The following HECW2 variants were observed in gnomAD, a reference collection of about 807,000 sequenced individuals.
The protein encoded by HECW2 is HECT, C2 and WW domain containing E3 ubiquitin protein ligase 2.
A neutral mutation model predicts 175.2 loss-of-function variants in HECW2; 61 were observed. That is an observed-to-expected ratio of 0.35 (90% CI 0.28 to 0.43). HECW2 has a LOEUF of 0.43. Ranked by LOEUF, HECW2 falls within the 20% of genes least tolerant of loss-of-function variation. The pLI is 1.00. For synonymous variants in HECW2, 671 were observed against 731.0 expected, an observed-to-expected ratio of 0.92 and a Z score of 1.32; for missense variants, 1,524 against 2,000.5, an observed-to-expected ratio of 0.76 and a Z score of 4.54.
In HECW2 at chr2:196,304,134, C is replaced by T. The variant is rs561217912; in HGVS notation, c.2814+2354G>A. On this transcript the variant is annotated intron_variant, in intron 13 of 28. Coordinates refer to ENST00000644978, the MANE Select transcript of HECW2 (RefSeq NM_001348768.2). ...CAAATACCTTGCCAGATCATGCAAG[C>T]CCAACCTTCTGTAGCCCTGCACGCT... Among the ~76,000 whole-genome samples the T allele has an allele frequency of 9.8e-5, 15 of 152,320 alleles. 1 individual carries two copies. In the South Asian group the frequency reaches 3.1e-3, roughly 32 times the overall value.
Position 196,342,409 on chromosome 2 carries a change from A to C in HECW2, c.400+1248T>G, listed in dbSNP as rs558841435. On this transcript the variant is annotated intron_variant, in intron 3 of 28. Transcript: ENST00000644978. ...ACAAGAGCTAAACTCCGTTTCAAGAAAAAAAAAAAAAAAAGAAAGAAAGAA... is the reference window on the plus strand; with the variant it reads ...ACAAGAGCTAAACTCCGTTTCAAGACAAAAAAAAAAAAAAGAAAGAAAGAA... Among the ~76,000 whole-genome samples, 234 of 146,870 alleles carry C rather than the reference A, an allele frequency of 1.6e-3. 1 individual carries two copies. The highest frequency in any genetic ancestry group is 3.6e-3 in the Middle Eastern group (1 of 278).
chr2:196,533,468 T>C (rs184973926), intron 1 of HECW2, among the ~76,000 whole-genome samples: 4 of 148,474 alleles, frequency 2.7e-5, no homozygotes, highest in Non-Finnish European at 5.9e-5. Context: ...CATCTTTTTT[T>C]GTGTGTGTGG....
At chr2:196,522,203 T>C (rs1296964370) in intron 1 of HECW2, among the ~76,000 whole-genome samples, 1 of 152,232 alleles carries the variant, frequency 6.6e-6, no homozygotes, top group African/African-American at 2.4e-5. Flanking sequence ...TATCTCATTG[T>C]GGTTTTGATT....
intron 1 of HECW2, among the ~76,000 whole-genome samples, chr2:196,443,802 G>C (rs1251973644): frequency 6.6e-6 from 1 of 152,226 alleles, no homozygotes; most frequent in Non-Finnish European, 1.5e-5. Flanking sequence ...GGCCGAGGTG[G>C]GCAGACTGCC....
chr2:196,308,806 C>G (rs1467889221), intron 10 of HECW2, among the ~76,000 whole-genome samples: 2 of 152,170 alleles, frequency 1.3e-5, no homozygotes, highest in Non-Finnish European at 2.9e-5. Flanking sequence ...GACACCCCAC[C>G]TTTGTGACTC....
At chr2:196,227,986 G>T in intron 22 of HECW2, 116 bp downstream of exon 22, 1 of 952,328 alleles carries the variant, frequency 1.1e-6, no homozygotes, top group Non-Finnish European at 1.5e-6. Context: ...GTATTTAACT[G>T]AAAATATGAC....
chr2:196,352,256 A>T (rs1002260239), intron 2 of HECW2, among the ~76,000 whole-genome samples: 2 of 152,244 alleles, frequency 1.3e-5, no homozygotes, highest in Non-Finnish European at 2.9e-5. Context: ...ACTGGCGACT[A>T]CGGCTTTGAA....
intron 1 of HECW2, among the ~76,000 whole-genome samples, chr2:196,472,999 A>G (rs1029828426): frequency 6.6e-6 from 1 of 152,216 alleles, no homozygotes; most frequent in Non-Finnish European, 1.5e-5. Context: ...TATGTCTTAA[A>G]TATTTCATAA....
chr2:196,251,433 C>T (rs10804071), intron 19 of HECW2, among the ~76,000 whole-genome samples: 86,888 of 152,000 alleles, frequency 0.57, 27,447 homozygotes, highest in Non-Finnish European at 0.7. Flanking sequence ...CACTGAACTC[C>T]TTGCTTTCAA....
At chr2:196,301,492 C>T (rs1356338168) in intron 13 of HECW2, among the ~76,000 whole-genome samples, 2 of 152,074 alleles carry the variant, frequency 1.3e-5, no homozygotes, top group Admixed American at 6.6e-5. Flanking sequence ...ACACTCCCAC[C>T]GAAAGTGCAG....
intron 4 of HECW2, among the ~76,000 whole-genome samples, chr2:196,332,100 T>A (rs562168653): frequency 6.6e-6 from 1 of 151,018 alleles, no homozygotes; most frequent in East Asian, 1.9e-4. Context: ...AGGTCCCCCT[T>A]TTTTTTTTAA....
intron 1 of HECW2, among the ~76,000 whole-genome samples, chr2:196,548,554 T>C (rs949101211): frequency 1.3e-5 from 2 of 152,176 alleles, no homozygotes; most frequent in African/African-American, 2.4e-5. Context: ...ATGGGAAAGG[T>C]AGCTGCCCCA....
intron 1 of HECW2, among the ~76,000 whole-genome samples, chr2:196,491,237 A>C (rs1251211417): frequency 6.6e-6 from 1 of 151,942 alleles, no homozygotes; most frequent in East Asian, 1.9e-4. Flanking sequence ...AGTGGCTCAC[A>C]CCTGTAATCC....
chr2:196,487,515 G>A (rs1357541326), intron 1 of HECW2, among the ~76,000 whole-genome samples: 1 of 152,082 alleles, frequency 6.6e-6, no homozygotes, highest in African/African-American at 2.4e-5. Flanking sequence ...CCAATGTGCT[G>A]ATGTTGAGAC....
At position 196,308,476 on chromosome 2, in the gene HECW2, T is replaced by A. The variant is rs12474797; in HGVS notation, c.2435-391A>T. Among the ~76,000 whole-genome samples, 755 of 152,348 alleles carry A rather than the reference T, an allele frequency of 5.0e-3. 24 individuals carry two copies. The highest frequency in any genetic ancestry group is 0.041 in the Admixed American group (629 of 15,306). Reference sequence around the variant, plus strand: ...ACCAAAAAAACCTGATTTCTCCATGTCTTTTCTAGCTTCAATGAAAGCCTC... The same window carrying A: ...ACCAAAAAAACCTGATTTCTCCATGACTTTTCTAGCTTCAATGAAAGCCTC... On this transcript the variant is annotated intron_variant, in intron 10 of 28. Transcript: ENST00000644978.
intron 1 of HECW2, among the ~76,000 whole-genome samples, chr2:196,434,403 A>G (rs775042102): frequency 3.9e-5 from 6 of 152,080 alleles, no homozygotes; most frequent in Non-Finnish European, 5.9e-5. Context: ...TTGGCTCCCG[A>G]TAAGCTATTT....
At chr2:196,313,791 C>A (rs894713611) in intron 10 of HECW2, among the ~76,000 whole-genome samples, 3 of 152,128 alleles carry the variant, frequency 2.0e-5, no homozygotes, top group African/African-American at 7.2e-5. Flanking sequence ...GTGGCTCGCA[C>A]CTATAATCCC....
rs1231902102 is a variant in HECW2 at position 196,319,701 on chromosome 2, C to G, written c.1189G>C (p.Glu397Gln). ...CTTGAAGACGTAGAGGTTAATTCCT[C>G]TGTGTCTATTTCCAGAGTGGAGCTA... ...RTSSTLEIDT[E>Q]ELTSTSSRTS... Residue 397 changes from glutamate (E) to glutamine (Q), a missense_variant, in exon 9 of 29, where the codon GAG becomes CAG. Transcript: ENST00000644978. The G allele has an allele frequency of 4.3e-6, 7 of 1,614,218 alleles. No homozygotes were observed. Among genetic ancestry groups the G allele is most frequent in the Non-Finnish European group, 5.9e-6 (7 of 1,180,048 alleles).
intron 17 of HECW2, among the ~76,000 whole-genome samples, chr2:196,266,148 T>C (rs1262256082): frequency 7.2e-6 from 1 of 139,268 alleles, no homozygotes; most frequent in East Asian, 2.1e-4. Context: ...CTGTACAACA[T>C]AGCAAGACTC....
Sources: gnomAD v4.1 joint callset for allele counts (sites outside exome capture counted in the v4.1 genomes callset) on GRCh38, gnomAD v4.1.1 for gene constraint, MANE v1.5 for transcripts, NCBI Gene and HGNC (gene_info 2026-07-23, HGNC 2026-07-21) for gene names.